The following NPHP4 variants were observed in gnomAD, a reference collection of about 807,000 sequenced individuals.
NPHP4 encodes nephrocystin 4.
In NPHP4, 151 loss-of-function variants were observed where a neutral mutation model predicts 155.8. That is an observed-to-expected ratio of 0.97 (90% CI 0.85 to 1.11). NPHP4 has a LOEUF of 1.11. Ranked by LOEUF, NPHP4 falls within the 50% of genes least tolerant of loss-of-function variation. The pLI, the probability that NPHP4 is intolerant of heterozygous loss-of-function variation, is 0.00. For missense variants in NPHP4, 1,956 were observed against 1,925.7 expected (o/e 1.02, Z -0.29); for synonymous variants, 845 against 816.8 (o/e 1.03, Z -0.59).
Position 5,926,837 on chromosome 1 carries a change from C to T in NPHP4, c.1441+812G>A, listed in dbSNP as rs541328884. Among the ~76,000 whole-genome samples the T allele has an allele frequency of 4.3e-4, 65 of 152,316 alleles. 4 individuals carry two copies. In the South Asian group the frequency reaches 0.012, roughly 29 times the overall value. On this transcript the variant is annotated intron_variant, in intron 11 of 29. Coordinates refer to ENST00000378156, the MANE Select transcript of NPHP4 (RefSeq NM_015102.5). ...CACAAAGCTCCCTCCCGGGCTTGCA[C>T]GTTTGCTCATTCCCTATCTTGCCAT...
chr1:5,867,081 TG>T lies in NPHP4; in HGVS notation c.3506del (p.Pro1169GlnfsTer28), dbSNP rs775221217. On this transcript the variant is annotated frameshift_variant, in exon 25 of 30. Coordinates refer to ENST00000378156, the MANE Select transcript of NPHP4 (RefSeq NM_015102.5). LOFTEE classifies it high-confidence loss of function. The surrounding 1 kb of genome is among the most constrained non-coding windows in gnomAD (Gnocchi z 4.1). ...TCGGGTCGCTGCAGCGAACATGGACTGGGGGGTCCTCACCAAGCATTCCCAC... is the reference window on the plus strand; with the variant it reads ...TCGGGTCGCTGCAGCGAACATGGACTGGGGGTCCTCACCAAGCATTCCCAC... The part of the protein sequence containing the change: ...APVGMLGEDP[P>X]VHVRCSDPNV... The T allele has an allele frequency of 1.2e-5, 20 of 1,612,986 alleles. No homozygotes were observed. Among genetic ancestry groups the T allele is most frequent in the Non-Finnish European group, 1.3e-5 (15 of 1,179,518 alleles).
rs2297791 is a variant in NPHP4 at position 5,867,678 on chromosome 1, G to A, written c.3472+62C>T. On this transcript the variant is annotated intron_variant, in intron 24 of 29. Coordinates refer to ENST00000378156, the MANE Select transcript of NPHP4 (RefSeq NM_015102.5). This position sits in a 1 kb window ranked among gnomAD's most constrained non-coding sequence, Gnocchi z 4.1. The stretch of plus-strand genomic sequence containing the variant: ...ATGAGGCCATCTGTCACCCTCAAGA[G>A]GTATCTACTTCCAACAGGTGAGCCT... The A allele has an allele frequency of 0.17, 257,884 of 1,556,296 alleles. 22,427 individuals are homozygous for A. Among genetic ancestry groups the A allele is most frequent in the Non-Finnish European group, 0.18 (203,366 of 1,142,824 alleles).
chr1:5,868,036 A>G, intron 23 of NPHP4, 140 bp from the exon 24 acceptor site: 2 of 920,060 alleles, frequency 2.2e-6, no homozygotes, highest in Admixed American at 2.0e-5. Context: ...AAGGTCGGGC[A>G]TCGTCAAAGG....
chr1:5,869,757 A>G (rs1235878941), intron 23 of NPHP4, among the ~76,000 whole-genome samples: 1 of 152,276 alleles, frequency 6.6e-6, no homozygotes, highest in Non-Finnish European at 1.5e-5. Context: ...GGATTTGGCC[A>G]GTGTGGTCAG....
In NPHP4 at chr1:5,964,941, A is replaced by ATATATTTTTTTTTTTT; in HGVS notation, c.517+2357_517+2358insAAAAAAAAAAAATATA. ...ATTATATATATATATATATATATAT[A>ATATATTTTTTTTTTTT]TTTTTTTTTTTTGAGGCAGGGTCTC... On this transcript the variant is annotated intron_variant, in intron 5 of 29. Coordinates refer to ENST00000378156, the MANE Select transcript of NPHP4 (RefSeq NM_015102.5). Among the ~76,000 whole-genome samples, 36 of 59,408 alleles carry ATATATTTTTTTTTTTT rather than the reference A, an allele frequency of 6.1e-4. 1 individual carries two copies. Among genetic ancestry groups the ATATATTTTTTTTTTTT allele is most frequent in the African/African-American group, 1.5e-3 (18 of 11,780 alleles). The allele number at this position is 59,408 out of a possible 152,430, so 39.0% of individuals were successfully genotyped here.
At chr1:5,958,522 C>T (rs1370232485) in intron 6 of NPHP4, among the ~76,000 whole-genome samples, 4 of 152,092 alleles carry the variant, frequency 2.6e-5, no homozygotes, top group African/African-American at 4.8e-5. Context: ...TGGTGAAACC[C>T]CGTCTCAACT....
In NPHP4 at chr1:5,889,694, G is replaced by A. The variant is rs947202904; in HGVS notation, c.2304+1174C>T. On this transcript the variant is annotated intron_variant, in intron 17 of 29. Coordinates refer to ENST00000378156, the MANE Select transcript of NPHP4 (RefSeq NM_015102.5). This position sits in a 1 kb window ranked among gnomAD's most constrained non-coding sequence, Gnocchi z 4.2. ...AGAGATGCTGTGGTGTCGACACACAGTCCTGCCCTGGGGACATCAAAGCCA... is the reference window on the plus strand; with the variant it reads ...AGAGATGCTGTGGTGTCGACACACAATCCTGCCCTGGGGACATCAAAGCCA... Among the ~76,000 whole-genome samples, 1 of 152,190 alleles carries A rather than the reference G, an allele frequency of 6.6e-6. No homozygotes were observed. Among genetic ancestry groups the A allele is most frequent in the Non-Finnish European group, 1.5e-5 (1 of 68,024 alleles).
At chr1:5,876,932 G>T in intron 20 of NPHP4, 161 bp downstream of exon 20, 1 of 462,454 alleles carries the variant, frequency 2.2e-6, no homozygotes, top group Non-Finnish European at 3.7e-6. Flanking sequence ...CTCACTTAAA[G>T]ATTTCCCCCG....
intron 3 of NPHP4, among the ~76,000 whole-genome samples, chr1:5,970,530 T>A (rs1239897921): frequency 6.6e-6 from 1 of 152,004 alleles, no homozygotes; most frequent in Non-Finnish European, 1.5e-5. Flanking sequence ...AGGAATGCCG[T>A]AGCACAGTAG....
intron 17 of NPHP4, 111 bp from the exon 18 acceptor site, chr1:5,887,577 G>A (rs1328002813): frequency 1.7e-6 from 2 of 1,178,468 alleles, no homozygotes; most frequent in African/African-American, 1.5e-5. Context: ...CTGTGGGCGG[G>A]AGGGGGTGTG....
At chr1:5,898,859 A>C (rs985569769) in intron 16 of NPHP4, among the ~76,000 whole-genome samples, 13 of 152,142 alleles carry the variant, frequency 8.5e-5, no homozygotes, top group African/African-American at 2.9e-4. Flanking sequence ...ACACACACAC[A>C]CAGACAACAC....
rs146878008 is a variant in NPHP4, at chr1:5,906,679, A to G, written c.1611+436T>C. Among the ~76,000 whole-genome samples the G allele has an allele frequency of 2.5e-3, 383 of 152,380 alleles. 2 individuals are homozygous for G. The highest frequency in any genetic ancestry group is 8.6e-3 in the African/African-American group (359 of 41,598). ...ATTCCCCAAGGCCAGTGGCAATGCC[A>G]GTCTTAGCCAGGAGCACACCCTGAA... On this transcript the variant is annotated intron_variant, in intron 13 of 29. Transcript: ENST00000378156.
At chr1:5,955,029 G>GAA (rs1004499015) in intron 6 of NPHP4, among the ~76,000 whole-genome samples, 2 of 131,988 alleles carry the variant, frequency 1.5e-5, no homozygotes, top group Non-Finnish European at 1.6e-5. Context: ...CAACTCAACA[G>GAA]AAAAAAAAAA....
intron 23 of NPHP4, among the ~76,000 whole-genome samples, chr1:5,872,581 C>A (rs1054830627): frequency 6.6e-6 from 1 of 152,172 alleles, no homozygotes; most frequent in Non-Finnish European, 1.5e-5. Context: ...ACACAGAGGG[C>A]CAGGCTGCAA....
chr1:5,870,111 C>A (rs188428577), intron 23 of NPHP4, among the ~76,000 whole-genome samples: 5 of 152,292 alleles, frequency 3.3e-5, no homozygotes, highest in Non-Finnish European at 7.4e-5. Context: ...ACGCTCAAAT[C>A]TTGGTTTCTA....
At position 5,867,861 on chromosome 1, in the gene NPHP4, G is replaced by A. The variant is rs371643259; in HGVS notation, c.3351C>T (p.Ala1117=). 5.3e-5 allele frequency: 86 copies of A among 1,613,964 alleles called. No individual in the cohort carries two copies. Among genetic ancestry groups the A allele is most frequent in the African/African-American group, 3.9e-4 (29 of 75,040 alleles). The change falls in exon 24 of 30, where the codon GCC becomes GCT. Residue 1117 remains alanine (A), a synonymous_variant. Coordinates refer to ENST00000378156, the MANE Select transcript of NPHP4 (RefSeq NM_015102.5). This position sits in a 1 kb window ranked among gnomAD's most constrained non-coding sequence, Gnocchi z 4.1. ...GCAGCTCCACAGTCAGGCAGAGCAC[G>A]GCGATGGGCTTGCCACCACTCGCTC... ...LFRASGGKPI[A]VLCLTVELQP... is the part of the protein sequence containing the mutation.
intron 2 of NPHP4, among the ~76,000 whole-genome samples, chr1:5,980,249 C>T (rs898037178): frequency 6.6e-6 from 1 of 152,234 alleles, no homozygotes; most frequent in Admixed American, 6.5e-5. Flanking sequence ...GCCTACCCCT[C>T]GTCTTGGGAG....
At chr1:5,920,489 G>C (rs1277605122) in intron 11 of NPHP4, among the ~76,000 whole-genome samples, 1 of 152,104 alleles carries the variant, frequency 6.6e-6, no homozygotes. Flanking sequence ...ACGTACATGT[G>C]GTCGCTTCCC....
At chr1:5,971,242 C>G (rs1652505784) in intron 3 of NPHP4, among the ~76,000 whole-genome samples, 2 of 152,180 alleles carry the variant, frequency 1.3e-5, no homozygotes, top group African/African-American at 4.8e-5. Context: ...TAAAAATAAT[C>G]ACTCTGAGGC....
Sources: gnomAD v4.1 joint callset for allele counts (sites outside exome capture counted in the v4.1 genomes callset) on GRCh38, gnomAD v4.1.1 for gene constraint, Gnocchi (gnomAD v3.1) non-coding constraint, MANE v1.5 for transcripts, NCBI Gene and HGNC (gene_info 2026-07-23, HGNC 2026-07-21) for gene names.